Variants in PARD3 observed in about 807,000 individuals in gnomAD.
The protein encoded by PARD3 is par-3 family cell polarity regulator.
In PARD3, 75 loss-of-function variants were observed where a neutral mutation model predicts 155.4. The ratio of observed to expected loss-of-function variants is 0.48; its 90% CI spans 0.40 to 0.58. The LOEUF (loss-of-function observed/expected upper bound fraction) is 0.58. PARD3 is among the 20% of genes least tolerant of loss of function. PARD3 has a pLI of 0.00. For synonymous variants in PARD3, 576 were observed against 610.5 expected, an observed-to-expected ratio of 0.94 and a Z score of 0.83; for missense variants, 1,642 against 1,721.7, an observed-to-expected ratio of 0.95 and a Z score of 0.82.
rs1842004626 is a variant in PARD3, at chr10:34,382,975, G to T, written c.1017-53C>A. ...GCAAATTAAGACTGGCAGACTAGAA[G>T]ATATTATGAGCTTAATTAAGTTTAC... On this transcript the variant is annotated intron_variant, in intron 8 of 24. Transcript: ENST00000374788. 12 of 1,571,470 alleles carry T rather than the reference G, an allele frequency of 7.6e-6. No individual in the cohort carries two copies. The Admixed American group carries it at 2.2e-4, about 29-fold the overall frequency.
chr10:34,770,871 G>T (rs1436236965), intron 1 of PARD3, among the ~76,000 whole-genome samples: 4 of 152,152 alleles, frequency 2.6e-5, no homozygotes, highest in African/African-American at 9.7e-5. Context: ...GCAGCAAAGT[G>T]AGGCCATGGA....
rs145789620 is a variant in PARD3, at chr10:34,783,257, C to T, written c.120+31619G>A. 1.3e-3 allele frequency among the ~76,000 whole-genome samples: 196 copies of T among 152,136 alleles called. 1 individual carries two copies. The highest frequency in any genetic ancestry group is 4.4e-3 in the African/African-American group (182 of 41,500). ...GAATTTTTAAATATTTCTGATTGGCCTCCATTTTTATTTGGAATAGTTTTG... is the reference window on the plus strand; with the variant it reads ...GAATTTTTAAATATTTCTGATTGGCTTCCATTTTTATTTGGAATAGTTTTG... On this transcript the variant is annotated intron_variant, in intron 1 of 24. Coordinates refer to ENST00000374788, the MANE Select transcript of PARD3 (RefSeq NM_001184785.2).
chr10:34,505,178 A>G (rs1356874079), intron 3 of PARD3, among the ~76,000 whole-genome samples: 1 of 152,238 alleles, frequency 6.6e-6, no homozygotes, highest in African/African-American at 2.4e-5. Flanking sequence ...TGATTTAAAC[A>G]GGCTTTCTTA....
chr10:34,394,966 A>T (rs1387032587), intron 7 of PARD3, among the ~76,000 whole-genome samples: 2 of 152,110 alleles, frequency 1.3e-5, no homozygotes, highest in Non-Finnish European at 1.5e-5. Context: ...CTTCTGCCAA[A>T]GGTAATCACA....
chr10:34,600,114 G>A (rs2089630680), intron 2 of PARD3, among the ~76,000 whole-genome samples: 1 of 151,588 alleles, frequency 6.6e-6, no homozygotes. Context: ...GCAGGTGGAT[G>A]GCTTGAGCTC....
chr10:34,155,283 G>A (rs531469306), intron 22 of PARD3, among the ~76,000 whole-genome samples: 9 of 151,472 alleles, frequency 5.9e-5, no homozygotes, highest in South Asian at 2.1e-4. Flanking sequence ...AAATAAGACA[G>A]ATCGAACACA....
Position 34,382,527 on chromosome 10 carries a change from G to T in PARD3, c.1399+13C>A. 1 of 1,602,668 alleles carries T rather than the reference G, an allele frequency of 6.2e-7. No homozygotes were observed. The highest frequency in any genetic ancestry group is 8.5e-7 in the Non-Finnish European group (1 of 1,177,596). On this transcript the variant is annotated intron_variant, in intron 9 of 24. Transcript: ENST00000374788. ...AAAGAAATTCCACAAAACAAAAACA[G>T]GATAGGTCGTACCTTTCTTAAGCTG...
At chr10:34,744,669 C>T (rs12265524) in intron 1 of PARD3, among the ~76,000 whole-genome samples, 8,303 of 152,284 alleles carry the variant, frequency 0.055, 746 homozygotes, top group African/African-American at 0.19. Context: ...GGTGAGACTA[C>T]AGGCACTTGC....
At chr10:34,114,287 G>T (rs1390815007) in intron 24 of PARD3, among the ~76,000 whole-genome samples, 1 of 152,104 alleles carries the variant, frequency 6.6e-6, no homozygotes, top group Non-Finnish European at 1.5e-5. Context: ...AGAAAAAAAG[G>T]CTCAGGACTT....
intron 2 of PARD3, among the ~76,000 whole-genome samples, chr10:34,590,509 T>TTC (rs1210792026): frequency 6.6e-6 from 1 of 152,222 alleles, no homozygotes; most frequent in Non-Finnish European, 1.5e-5. Flanking sequence ...GTAAAATTGT[T>TTC]ACTTATTATT....
intron 7 of PARD3, among the ~76,000 whole-genome samples, chr10:34,397,872 T>C (rs1392988511): frequency 1.3e-5 from 2 of 152,180 alleles, no homozygotes; most frequent in Non-Finnish European, 2.9e-5. Flanking sequence ...TTTTACCTTA[T>C]CTTTTTTTTC....
chr10:34,607,401 T>C (rs957061477), intron 2 of PARD3, among the ~76,000 whole-genome samples: 16 of 152,286 alleles, frequency 1.1e-4, no homozygotes, highest in African/African-American at 3.4e-4. Context: ...GTGCCAACAA[T>C]AGGAATTCTT....
intron 12 of PARD3, among the ~76,000 whole-genome samples, chr10:34,362,880 T>C (rs963995529): frequency 1.3e-5 from 2 of 152,260 alleles, no homozygotes; most frequent in African/African-American, 2.4e-5. Context: ...ACGGTAAATT[T>C]TGATGTTTAA....
intron 22 of PARD3, among the ~76,000 whole-genome samples, chr10:34,262,147 A>T (rs1255492537): frequency 1.3e-5 from 2 of 152,206 alleles, no homozygotes; most frequent in East Asian, 3.9e-4. Context: ...ACATCTACTG[A>T]ATCAAAATAT....
chr10:34,781,072 C>A (rs868283437), intron 1 of PARD3, among the ~76,000 whole-genome samples: 4 of 152,174 alleles, frequency 2.6e-5, no homozygotes, highest in African/African-American at 9.7e-5. Context: ...AGCTCAGGCT[C>A]GGTATCCAAA....
chr10:34,349,342 A>T (rs1222544576), intron 14 of PARD3, among the ~76,000 whole-genome samples: 1 of 152,148 alleles, frequency 6.6e-6, no homozygotes, highest in Non-Finnish European at 1.5e-5. Flanking sequence ...ACACAATTAC[A>T]ATTGGAGGCA....
At chr10:34,162,197 A>C (rs1454537805) in intron 22 of PARD3, among the ~76,000 whole-genome samples, 1 of 152,122 alleles carries the variant, frequency 6.6e-6, no homozygotes, top group African/African-American at 2.4e-5. Context: ...GAGCAGACTA[A>C]GGGACCATAT....
At chr10:34,370,845 T>C (rs865947558) in intron 12 of PARD3, among the ~76,000 whole-genome samples, 10 of 147,358 alleles carry the variant, frequency 6.8e-5, no homozygotes, top group Non-Finnish European at 1.1e-4. Context: ...TGTGTGTGTG[T>C]GTAAATGACT....
At chr10:34,666,472 G>A (rs2093473701) in intron 2 of PARD3, among the ~76,000 whole-genome samples, 1 of 151,890 alleles carries the variant, frequency 6.6e-6, no homozygotes, top group South Asian at 2.1e-4. Flanking sequence ...GACTCTAGGT[G>A]GCACTCGAGG....
Sources: gnomAD v4.1 joint callset for allele counts (sites outside exome capture counted in the v4.1 genomes callset) on GRCh38, gnomAD v4.1.1 for gene constraint, MANE v1.5 for transcripts, NCBI Gene and HGNC (gene_info 2026-07-23, HGNC 2026-07-21) for gene names.